Variants in UBAP1 observed in about 807,000 individuals in gnomAD.
UBAP1 encodes ubiquitin-associated protein 1.
A neutral mutation model predicts 39.0 loss-of-function variants in UBAP1; 5 were observed. That is an observed-to-expected ratio of 0.13 (90% CI 0.07 to 0.27). The LOEUF (loss-of-function observed/expected upper bound fraction) is 0.27, where lower values mean the gene tolerates loss of function less well. Ranked by LOEUF, UBAP1 falls within the 10% of genes least tolerant of loss-of-function variation. The probability of loss-of-function intolerance (pLI) is 1.00; values close to 1 mark genes in which losing one functional copy is unlikely to be tolerated. For synonymous variants in UBAP1, 211 were observed against 225.1 expected (o/e 0.94, Z 0.56); for missense variants, 490 against 608.1 (o/e 0.81, Z 2.04).
chr9:34,231,405 G>A (rs1225578094), intron 2 of UBAP1, among the ~76,000 whole-genome samples: 1 of 151,574 alleles, frequency 6.6e-6, no homozygotes, highest in East Asian at 2.0e-4. Flanking sequence ...TAGTAGAGAT[G>A]GGGTTTCACC....
intron 1 of UBAP1, among the ~76,000 whole-genome samples, chr9:34,218,296 C>CAAAAAAA (rs1832459640): frequency 1.1e-5 from 1 of 94,638 alleles, no homozygotes; most frequent in Non-Finnish European, 2.1e-5. Context: ...AAAAAAAAAG[C>CAAAAAAA]CAAGCACATC....
intron 2 of UBAP1, among the ~76,000 whole-genome samples, chr9:34,232,019 A>G (rs1050152590): frequency 6.6e-6 from 1 of 152,038 alleles, no homozygotes; most frequent in African/African-American, 2.4e-5. Flanking sequence ...CTAAGGTGGT[A>G]GTATTAACTG....
chr9:34,223,864 C>T, intron 2 of UBAP1: 1 of 227,716 alleles, frequency 4.4e-6, no homozygotes, highest in Non-Finnish European at 8.5e-6. Flanking sequence ...TTGCTGAGTT[C>T]CTGGTTGAAT....
chr9:34,239,794 T>G (rs1461476186), intron 3 of UBAP1, among the ~76,000 whole-genome samples: 1 of 152,210 alleles, frequency 6.6e-6, no homozygotes, highest in Non-Finnish European at 1.5e-5. Context: ...ATGCTTACTC[T>G]GGTTCCTGGA....
intron 2 of UBAP1, among the ~76,000 whole-genome samples, chr9:34,228,336 T>TCA (rs1833211869): frequency 6.8e-6 from 1 of 147,578 alleles, no homozygotes; most frequent in Non-Finnish European, 1.5e-5. Context: ...GAGAATAGCG[T>TCA]GAACCCAGGA....
At chr9:34,244,598 G>A (rs1834133745) in intron 4 of UBAP1, among the ~76,000 whole-genome samples, 1 of 3,022 alleles carries the variant, frequency 3.3e-4, no homozygotes, top group South Asian at 4.1e-3. Flanking sequence ...ATGTAGCTGG[G>A]ATTACAGGCA....
chr9:34,234,456 C>T, intron 3 of UBAP1, 116 bp downstream of exon 3: 15 of 1,178,406 alleles, frequency 1.3e-5, no homozygotes, highest in Middle Eastern at 2.9e-4. Flanking sequence ...TTTTGGTCAA[C>T]GATGGACCAC....
rs974612383 is a variant in UBAP1, at chr9:34,235,487, C to T, written c.159+1147C>T. On this transcript the variant is annotated intron_variant, in intron 3 of 6. Transcript: ENST00000297661. ...CCGAGTAGCTGGGACTACAGGCGCC[C>T]GCCACCATGCCTGGCTAATTTTTTG... is the stretch of plus-strand genomic sequence containing the variant. 3.3e-5 allele frequency among the ~76,000 whole-genome samples: 5 copies of T among 152,094 alleles called. No individual in the cohort carries two copies. In the South Asian group the frequency reaches 8.3e-4, roughly 25 times the overall value.
chr9:34,182,677 T>TCTCTCTCTC (rs1563881334), intron 1 of UBAP1, among the ~76,000 whole-genome samples: 131 of 71,990 alleles, frequency 1.8e-3, no homozygotes, highest in African/African-American at 6.0e-3. Flanking sequence ...CTTTCTTTCT[T>TCTCTCTCTC]TCTTTCTCTC....
chr9:34,198,273 A>G (rs1679203207), intron 1 of UBAP1, among the ~76,000 whole-genome samples: 1 of 152,214 alleles, frequency 6.6e-6, no homozygotes, highest in Non-Finnish European at 1.5e-5. Flanking sequence ...TATAGGCTGC[A>G]TTCTGCAATC....
At chr9:34,181,116 C>CTTTCTTTTTTTTTTTT (rs1193356334) in intron 1 of UBAP1, among the ~76,000 whole-genome samples, 3 of 72,238 alleles carry the variant, frequency 4.2e-5, no homozygotes, top group African/African-American at 5.3e-5. Flanking sequence ...GGCCTGTTTT[C>CTTTCTTTTTTTTTTTT]TTTTTTTTTT....
chr9:34,181,556 C>G (rs62556562), intron 1 of UBAP1, among the ~76,000 whole-genome samples: 1 of 150,832 alleles, frequency 6.6e-6, no homozygotes, highest in African/African-American at 2.5e-5. Flanking sequence ...CCTCAGCCTC[C>G]TGAGTAGCTG....
At chr9:34,239,262 C>T (rs1404031140) in intron 3 of UBAP1, among the ~76,000 whole-genome samples, 1 of 152,162 alleles carries the variant, frequency 6.6e-6, no homozygotes, top group Non-Finnish European at 1.5e-5. Context: ...CCAGGCTGGT[C>T]CCGAACTCCT....
Position 34,251,389 on chromosome 9 carries a change from T to C in UBAP1, c.1369-3T>C. ...TTAATCTGTGTTCTCTTCTCTCCCTTAGATGATGGAGTTTCTTCAGTTAAT... is the reference window on the plus strand; with the variant it reads ...TTAATCTGTGTTCTCTTCTCTCCCTCAGATGATGGAGTTTCTTCAGTTAAT... On this transcript the variant is annotated splice_region_variant and splice_polypyrimidine_tract_variant and intron_variant, in intron 6 of 6. Coordinates refer to ENST00000297661, the MANE Select transcript of UBAP1 (RefSeq NM_016525.5). 6.2e-7 allele frequency: 1 copy of C among 1,614,142 alleles called. No individual in the cohort carries two copies. The highest frequency in any genetic ancestry group is 1.1e-5 in the South Asian group (1 of 91,072).
At chr9:34,202,643 G>C (rs1404209334) in intron 1 of UBAP1, among the ~76,000 whole-genome samples, 2 of 142,256 alleles carry the variant, frequency 1.4e-5, no homozygotes, top group African/African-American at 2.6e-5. Flanking sequence ...GTGTGTGTGT[G>C]TGTGTGTGTG....
In UBAP1 at chr9:34,196,476, C is replaced by T. The variant is rs561143003; in HGVS notation, c.-8+17236C>T. 1.6e-4 allele frequency among the ~76,000 whole-genome samples: 24 copies of T among 151,880 alleles called. 1 individual carries two copies. In the South Asian group the frequency reaches 3.5e-3, roughly 22 times the overall value. ...GATTACAGGTATGCATCACCACGCC[C>T]GGCTAATTTTTTGTATTTTTAGTAG... On this transcript the variant is annotated intron_variant, in intron 1 of 6. Transcript: ENST00000297661.
intron 1 of UBAP1, among the ~76,000 whole-genome samples, chr9:34,218,346 T>G (rs973925717): frequency 1.4e-5 from 2 of 146,856 alleles, no homozygotes; most frequent in African/African-American, 5.0e-5. Context: ...ACATTCCTGG[T>G]GTCAGCATAT....
intron 1 of UBAP1, among the ~76,000 whole-genome samples, chr9:34,217,658 A>T (rs1406040941): frequency 6.6e-6 from 1 of 150,486 alleles, no homozygotes; most frequent in African/African-American, 2.4e-5. Context: ...CCTTTATGAG[A>T]TAAACTTTTT....
At chr9:34,249,318 G>C (rs1425299292) in intron 4 of UBAP1, among the ~76,000 whole-genome samples, 4 of 152,188 alleles carry the variant, frequency 2.6e-5, no homozygotes, top group African/African-American at 9.7e-5. Flanking sequence ...TTGGGATAGA[G>C]TTAGCTCCAA....
Sources: allele counts gnomAD v4.1 joint callset (sites outside exome capture counted in the v4.1 genomes callset), GRCh38; gene constraint gnomAD v4.1.1; transcripts MANE v1.5; gene names NCBI Gene and HGNC (gene_info 2026-07-23, HGNC 2026-07-21).